The following AGTR1 variants were observed in gnomAD, a reference collection of about 807,000 sequenced individuals.
The protein encoded by AGTR1 is angiotensin II receptor type 1, also known as type-1 angiotensin II receptor.
Under a neutral mutation model 19.4 loss-of-function variants are expected in AGTR1, and 16 were observed. The observed-to-expected ratio is 0.82, with a 90% confidence interval of 0.56 to 1.25. The LOEUF (loss-of-function observed/expected upper bound fraction) is 1.25. AGTR1 is among the 50% of genes most tolerant of loss of function. The pLI is 0.00. For synonymous variants in AGTR1, 153 were observed against 154.9 expected (o/e 0.99, Z 0.09); for missense variants, 373 against 431.9 (o/e 0.86, Z 1.21).
chr3:148,714,764 G>A (rs992661345), intron 2 of AGTR1, among the ~76,000 whole-genome samples: 1 of 152,084 alleles, frequency 6.6e-6, no homozygotes, highest in African/African-American at 2.4e-5. Context: ...TTTTATGTCA[G>A]TTCCTTCTGG....
intron 2 of AGTR1, among the ~76,000 whole-genome samples, chr3:148,714,208 C>G (rs192845483): frequency 6.6e-6 from 1 of 152,118 alleles, no homozygotes; most frequent in Non-Finnish European, 1.5e-5. Flanking sequence ...GCAAGGTAGA[C>G]AAAAATGCTT....
In AGTR1 at chr3:148,716,798, T is replaced by TG. The variant is rs1403936448; in HGVS notation, c.-48+8771_-48+8772insG. On this transcript the variant is annotated intron_variant, in intron 2 of 2. Transcript: ENST00000349243. This position sits in a 1 kb window ranked among gnomAD's most constrained non-coding sequence, Gnocchi z 4.7. ...TTTGAGTTCTCTGAATTTGAATAGTTTCTTAACCTTAGTTTTTTAACTGCT... is the reference window on the plus strand; with the variant it reads ...TTTGAGTTCTCTGAATTTGAATAGTTGTCTTAACCTTAGTTTTTTAACTGCT... Among the ~76,000 whole-genome samples, 1 of 152,168 alleles carries TG rather than the reference T, an allele frequency of 6.6e-6. No individual in the cohort carries two copies. The highest frequency in any genetic ancestry group is 2.4e-5 in the African/African-American group (1 of 41,446).
chr3:148,708,216 G>A (rs1338616437), intron 2 of AGTR1, among the ~76,000 whole-genome samples, 189 bp downstream of exon 2: 1 of 152,116 alleles, frequency 6.6e-6, no homozygotes, highest in South Asian at 2.1e-4. Flanking sequence ...TATTTATATG[G>A]TTTTAAACAT....
chr3:148,728,426 G>A (rs541394180), intron 2 of AGTR1, among the ~76,000 whole-genome samples: 19 of 152,290 alleles, frequency 1.2e-4, no homozygotes, highest in Middle Eastern at 3.4e-3. Flanking sequence ...TACATTAAAT[G>A]AACTTAAACA....
At chr3:148,704,252 A>G (rs1712537736) in intron 1 of AGTR1, among the ~76,000 whole-genome samples, 2 of 151,746 alleles carry the variant, frequency 1.3e-5, no homozygotes, top group South Asian at 2.1e-4. Flanking sequence ...TGTAGTCCCA[A>G]CTACTCAGGA....
Position 148,741,180 on chromosome 3 carries a change from G to A in AGTR1, c.145G>A (p.Val49Met), listed in dbSNP as rs145575818. The A allele has an allele frequency of 6.2e-7, 1 of 1,614,146 alleles. No individual in the cohort carries two copies. The highest frequency in any genetic ancestry group is 8.5e-7 in the Non-Finnish European group (1 of 1,180,022). The change falls in exon 3 of 3, where the codon GTG becomes ATG. Residue 49 changes from valine (V) to methionine (M), a missense_variant. Coordinates refer to ENST00000349243, the MANE Select transcript of AGTR1 (RefSeq NM_000685.5). ...FVVGIFGNSL[V>M]VIVIYFYMKL... ...GGTGGGAATATTTGGAAACAGCTTG[G>A]TGGTGATAGTCATTTACTTTTATAT...
Position 148,741,419 on chromosome 3 carries a change from G to A in AGTR1, c.384G>A (p.Leu128=), listed in dbSNP as rs1406710567. The change falls in exon 3 of 3, where the codon CTG becomes CTA. Residue 128 remains leucine, a synonymous_variant. Transcript: ENST00000349243. ...CGTGTCTCAGCATTGATCGATACCTGGCTATTGTTCACCCAATGAAGTCCC... is the reference window on the plus strand; with the variant it reads ...CGTGTCTCAGCATTGATCGATACCTAGCTATTGTTCACCCAATGAAGTCCC... ...LLTCLSIDRY[L]AIVHPMKSRL... is the part of the protein sequence containing the mutation. The A allele has an allele frequency of 6.2e-6, 10 of 1,605,436 alleles. No individual in the cohort carries two copies. Among genetic ancestry groups the A allele is most frequent in the Middle Eastern group, 1.7e-4 (1 of 6,060 alleles).
rs754942115 is a variant in AGTR1, at chr3:148,741,045, A to C, written c.10A>C (p.Asn4His). 1 of 1,613,806 alleles carries C rather than the reference A, an allele frequency of 6.2e-7. No individual in the cohort carries two copies. Among genetic ancestry groups the C allele is most frequent in the Non-Finnish European group, 8.5e-7 (1 of 1,179,794 alleles). The change falls in exon 3 of 3, where the codon AAC becomes CAC. Residue 4 changes from asparagine (N) to histidine (H), a missense_variant. Physicochemically the swap from Asn to His is moderately conservative, Grantham distance 68 (BLOSUM62 1). Coordinates refer to ENST00000349243, the MANE Select transcript of AGTR1 (RefSeq NM_000685.5). ...GACCCAGGTGATCAAAATGATTCTC[A>C]ACTCTTCTACTGAAGATGGTATTAA... MILNSSTEDGIKRI... is the reference protein window; with the variant it reads MILHSSTEDGIKRI...
chr3:148,727,071 C>T (rs1274281353), intron 2 of AGTR1, among the ~76,000 whole-genome samples: 1 of 152,096 alleles, frequency 6.6e-6, no homozygotes. Context: ...AAGCTTTTTC[C>T]CAGAATTGTT....
At chr3:148,720,385 C>T (rs1173112292) in intron 2 of AGTR1, among the ~76,000 whole-genome samples, 4 of 152,264 alleles carry the variant, frequency 2.6e-5, no homozygotes, top group Admixed American at 2.6e-4. Context: ...AACTTCCTAT[C>T]ATAGCATGTT....
chr3:148,742,414 C>G lies in AGTR1; in HGVS notation c.*299C>G. On this transcript the variant is annotated 3_prime_UTR_variant, in exon 3 of 3. Transcript: ENST00000349243. ...TTTTACTGACAGAAATGCAATCTCC[C>G]TAGCCTGCTTTTGTCCTGTTATTTT... 1 of 479,398 alleles carries G rather than the reference C, an allele frequency of 2.1e-6. No homozygotes were observed. The highest frequency in any genetic ancestry group is 3.9e-6 in the Non-Finnish European group (1 of 253,220). 29.7% of individuals were successfully genotyped at this position (479,398 alleles called of 1,614,324 possible).
intron 1 of AGTR1, among the ~76,000 whole-genome samples, chr3:148,699,620 C>A (rs1712204019): frequency 6.6e-6 from 1 of 152,216 alleles, no homozygotes; most frequent in Non-Finnish European, 1.5e-5. Flanking sequence ...CCTCAAGTCT[C>A]TGCCCATAAG....
chr3:148,730,585 G>A (rs936824771), intron 2 of AGTR1: 14 of 172,918 alleles, frequency 8.1e-5, no homozygotes, highest in African/African-American at 2.8e-4. Flanking sequence ...TACTTTTGTT[G>A]TTTGTTGGAT....
chr3:148,725,671 C>T (rs12721305), intron 2 of AGTR1, among the ~76,000 whole-genome samples: 157 of 152,134 alleles, frequency 1.0e-3, no homozygotes, highest in African/African-American at 3.4e-3. Flanking sequence ...TTATTAGAGA[C>T]GGGGTTTCAC....
At chr3:148,729,855 G>A (rs1483425193) in intron 2 of AGTR1, among the ~76,000 whole-genome samples, 1 of 152,154 alleles carries the variant, frequency 6.6e-6, no homozygotes, top group African/African-American at 2.4e-5. Flanking sequence ...CAGCCTCTCA[G>A]CAGTGCCTTT....
chr3:148,728,645 C>T (rs1341235947), intron 2 of AGTR1, among the ~76,000 whole-genome samples: 1 of 152,044 alleles, frequency 6.6e-6, no homozygotes, highest in Non-Finnish European at 1.5e-5. Flanking sequence ...AGAGAAGTTC[C>T]ATGTAAATAT....
At chr3:148,722,643 C>T (rs1203296811) in intron 2 of AGTR1, among the ~76,000 whole-genome samples, 1 of 152,158 alleles carries the variant, frequency 6.6e-6, no homozygotes, top group Non-Finnish European at 1.5e-5. Flanking sequence ...TGATACTCCA[C>T]TCTAGACTGA....
intron 1 of AGTR1, among the ~76,000 whole-genome samples, chr3:148,705,904 A>C (rs1429885528): frequency 2.0e-5 from 3 of 151,936 alleles, no homozygotes; most frequent in Non-Finnish European, 4.4e-5. Flanking sequence ...TAATTATGTT[A>C]GGATTGATTT....
At chr3:148,724,564 T>A (rs1042094742) in intron 2 of AGTR1, among the ~76,000 whole-genome samples, 4 of 152,350 alleles carry the variant, frequency 2.6e-5, no homozygotes, top group African/African-American at 9.6e-5. Flanking sequence ...TATATTCTTG[T>A]ATTTCTCTTA....
Sources: gnomAD v4.1 joint callset for allele counts (sites outside exome capture counted in the v4.1 genomes callset) on GRCh38, gnomAD v4.1.1 for gene constraint, Gnocchi (gnomAD v3.1) non-coding constraint, MANE v1.5 for transcripts, NCBI Gene and HGNC (gene_info 2026-07-23, HGNC 2026-07-21) for gene names.